CUX2: variants seen among roughly 807,000 people sequenced by gnomAD.
CUX2 encodes the protein cut like homeobox 2, also known as homeobox protein cut-like 2.
CUX2 carries 40 observed loss-of-function variants against 144.8 expected under a neutral mutation model. The observed-to-expected ratio is 0.28, with a 90% confidence interval of 0.21 to 0.36. The LOEUF is 0.36. Ranked by LOEUF, CUX2 falls within the 10% of genes least tolerant of loss-of-function variation. The probability of loss-of-function intolerance (pLI) is 1.00; values close to 1 mark genes in which losing one functional copy is unlikely to be tolerated. For synonymous variants in CUX2, 827 were observed against 875.6 expected (o/e 0.94, Z 0.98); for missense variants, 1,615 against 1,994.0 (o/e 0.81, Z 3.62).
intron 1 of CUX2, among the ~76,000 whole-genome samples, chr12:111,145,823 C>A (rs1463935834): frequency 6.6e-6 from 1 of 151,830 alleles, no homozygotes; most frequent in African/African-American, 2.4e-5. Context: ...TGCGCCACCA[C>A]ACCCAGCTTT....
rs762149848 is a variant in CUX2, at chr12:111,310,612, C to T, written c.1830C>T (p.Ile610=). ...KLTVKGKEPF[I]KMKQFLSDEQ... ...CGGTGAAGGGCAAGGAGCCCTTCATCAAGATGAAGCAGTTCCTGTCGGATG... is the reference window on the plus strand; with the variant it reads ...CGGTGAAGGGCAAGGAGCCCTTCATTAAGATGAAGCAGTTCCTGTCGGATG... The change falls in exon 15 of 22, where the codon ATC becomes ATT. Residue 610 remains isoleucine (I), a synonymous_variant. Coordinates refer to ENST00000261726, the MANE Select transcript of CUX2 (RefSeq NM_015267.4). The surrounding 1 kb of genome is among the most constrained non-coding windows in gnomAD (Gnocchi z 7.9). 3.0e-5 allele frequency: 48 copies of T among 1,612,028 alleles called. No homozygotes were observed. Among genetic ancestry groups the T allele is most frequent in the Non-Finnish European group, 3.9e-5 (46 of 1,178,620 alleles).
At position 111,099,300 on chromosome 12, in the gene CUX2, C is replaced by T. The variant is rs76133437; in HGVS notation, c.63+65060C>T. On this transcript the variant is annotated intron_variant, in intron 1 of 21. Transcript: ENST00000261726. Reference sequence around the variant, plus strand: ...CACTGTTCAGAGTGCCTGGGACCTCCGGGTGAGCAGGGTGTGGCAAGAGCT... The same window carrying T: ...CACTGTTCAGAGTGCCTGGGACCTCTGGGTGAGCAGGGTGTGGCAAGAGCT... The T allele has an allele frequency of 3.0e-3, 974 of 326,364 alleles. 7 individuals are homozygous for T. Among genetic ancestry groups the T allele is most frequent in the African/African-American group, 0.019 (883 of 46,454 alleles). 20.2% of individuals were successfully genotyped at this position (326,364 alleles called of 1,614,324 possible). A position where few individuals can be genotyped will look rare whatever the true frequency, so the allele number is the denominator to read the frequency against.
In CUX2 at chr12:111,265,309, T is replaced by TTTTTATTTTA. The variant is rs199678456; in HGVS notation, c.301+1510_301+1519dup. Among the ~76,000 whole-genome samples, 928 of 143,714 alleles carry TTTTTATTTTA rather than the reference T, an allele frequency of 6.5e-3. 14 individuals are homozygous for TTTTTATTTTA. Among genetic ancestry groups the TTTTTATTTTA allele is most frequent in the African/African-American group, 0.022 (820 of 37,320 alleles). 94.3% of individuals were successfully genotyped at this position (143,714 alleles called of 152,430 possible). On this transcript the variant is annotated intron_variant, in intron 4 of 21. Transcript: ENST00000261726. Reference sequence around the variant, plus strand: ...GCTTCCCCTATTTTATTTTATTTTATTTTTATTTTATTTTATTTTATTTTA... The same window carrying TTTTTATTTTA: ...GCTTCCCCTATTTTATTTTATTTTATTTTTATTTTATTTTATTTTATTTTATTTTATTTTA...
chr12:111,213,217 A>G (rs951158002), intron 1 of CUX2, among the ~76,000 whole-genome samples: 6 of 152,252 alleles, frequency 3.9e-5, no homozygotes, highest in African/African-American at 1.4e-4. Context: ...TCCAGAAAAA[A>G]AGCCCATCTC....
Position 111,255,899 on chromosome 12 carries a change from G to C in CUX2, c.223-7862G>C, listed in dbSNP as rs893656933. ...GATCTTTCACAGGGACTGTCAGAGT[G>C]AGTGGGAACCCTCAGGATAGTCTAG... is the stretch of plus-strand genomic sequence containing the variant. On this transcript the variant is annotated intron_variant, in intron 3 of 21. Transcript: ENST00000261726. This position sits in a 1 kb window ranked among gnomAD's most constrained non-coding sequence, Gnocchi z 4.1. Among the ~76,000 whole-genome samples the C allele has an allele frequency of 2.0e-5, 3 of 152,160 alleles. No homozygotes were observed. Among genetic ancestry groups the C allele is most frequent in the African/African-American group, 7.2e-5 (3 of 41,420 alleles).
At chr12:111,337,518 C>T (rs1888401434) in intron 19 of CUX2, among the ~76,000 whole-genome samples, 1 of 152,188 alleles carries the variant, frequency 6.6e-6, no homozygotes, top group Admixed American at 6.5e-5. Flanking sequence ...TTGGCTTTTT[C>T]CACTTTCCTG....
intron 4 of CUX2, among the ~76,000 whole-genome samples, chr12:111,278,557 C>G (rs946212121): frequency 1.3e-5 from 2 of 152,288 alleles, no homozygotes; most frequent in African/African-American, 4.8e-5. Flanking sequence ...ACCCAGAGCT[C>G]TAATAATTTC....
intron 1 of CUX2, among the ~76,000 whole-genome samples, chr12:111,176,296 C>T (rs1230220077): frequency 6.6e-6 from 1 of 151,926 alleles, no homozygotes; most frequent in Non-Finnish European, 1.5e-5. Flanking sequence ...ATCCTCATGC[C>T]TTGGCCTCCC....
chr12:111,292,494 G>A (rs780059051), intron 5 of CUX2, among the ~76,000 whole-genome samples: 1 of 152,210 alleles, frequency 6.6e-6, no homozygotes, highest in African/African-American at 2.4e-5. Context: ...GGAGGCTTAG[G>A]CAGGAGAATT....
At chr12:111,162,197 A>G (rs1000697988) in intron 1 of CUX2, among the ~76,000 whole-genome samples, 6 of 152,234 alleles carry the variant, frequency 3.9e-5, no homozygotes, top group East Asian at 1.9e-4. Flanking sequence ...ACTCTCTCTC[A>G]GAGGTGAGAA....
At chr12:111,194,458 T>A (rs1197744423) in intron 1 of CUX2, among the ~76,000 whole-genome samples, 1 of 152,230 alleles carries the variant, frequency 6.6e-6, no homozygotes, top group Non-Finnish European at 1.5e-5. Flanking sequence ...TTGTTGCCAG[T>A]GATTACAGTT....
At position 111,345,523 on chromosome 12, in the gene CUX2, C is replaced by T. The variant is rs966882474; in HGVS notation, c.3660-2001C>T. ...CTTTGGGAGGCCAAGGCGGGTGGGT[C>T]ACGAGGTCAGGAGATCGAGACCATC... is the stretch of plus-strand genomic sequence containing the variant. On this transcript the variant is annotated intron_variant, in intron 21 of 21. Coordinates refer to ENST00000261726, the MANE Select transcript of CUX2 (RefSeq NM_015267.4). Among the ~76,000 whole-genome samples, 37 of 148,812 alleles carry T rather than the reference C, an allele frequency of 2.5e-4. 1 individual carries two copies. The highest frequency in any genetic ancestry group is 9.0e-4 in the African/African-American group (36 of 40,112).
chr12:111,214,174 T>C (rs1881395763), intron 1 of CUX2, 26 bp from the exon 2 acceptor site: 1 of 148,084 alleles, frequency 6.8e-6, no homozygotes. Context: ...TCTCTCTCTC[T>C]TTTTTTTTTT....
intron 1 of CUX2, among the ~76,000 whole-genome samples, chr12:111,064,889 A>C (rs1452976718): frequency 1.3e-5 from 2 of 152,238 alleles, no homozygotes; most frequent in African/African-American, 2.4e-5. Context: ...AATGCCCGGC[A>C]TACAGTACTC....
intron 1 of CUX2, among the ~76,000 whole-genome samples, chr12:111,069,022 C>T (rs1871138396): frequency 1.3e-5 from 2 of 152,090 alleles, no homozygotes; most frequent in Admixed American, 1.3e-4. Context: ...AGGAGAATTG[C>T]TTGAACCCAG....
At chr12:111,313,090 C>T (rs1886986208) in intron 16 of CUX2, among the ~76,000 whole-genome samples, 1 of 152,088 alleles carries the variant, frequency 6.6e-6, no homozygotes, top group African/African-American at 2.4e-5. Context: ...GAGACAGATT[C>T]TCACTCTGTC....
Position 111,186,595 on chromosome 12 carries a change from G to A in CUX2, c.64-27605G>A, listed in dbSNP as rs1015340249. 2.0e-5 allele frequency among the ~76,000 whole-genome samples: 3 copies of A among 152,160 alleles called. No individual in the cohort carries two copies. Among genetic ancestry groups the A allele is most frequent in the Admixed American group, 6.5e-5 (1 of 15,276 alleles). ...AGGGCGACTCTGTGGCGTGAGGCTC[G>A]CAGCTGCACAGAGGCAGGGTCCCTG... On this transcript the variant is annotated intron_variant, in intron 1 of 21. Coordinates refer to ENST00000261726, the MANE Select transcript of CUX2 (RefSeq NM_015267.4). This position sits in a 1 kb window ranked among gnomAD's most constrained non-coding sequence, Gnocchi z 4.4.
chr12:111,239,408 G>A (rs1357283754), intron 3 of CUX2, among the ~76,000 whole-genome samples: 1 of 152,190 alleles, frequency 6.6e-6, no homozygotes, highest in Non-Finnish European at 1.5e-5. Flanking sequence ...ACCCAGCACA[G>A]AAACACAATC....
At chr12:111,240,878 G>A (rs949087605) in intron 3 of CUX2, among the ~76,000 whole-genome samples, 6 of 152,162 alleles carry the variant, frequency 3.9e-5, no homozygotes, top group African/African-American at 1.4e-4. Context: ...ATACCTCAGG[G>A]TCTAGAAAGC....
Sources: allele counts gnomAD v4.1 joint callset (sites outside exome capture counted in the v4.1 genomes callset), GRCh38; gene constraint gnomAD v4.1.1; non-coding constraint Gnocchi (gnomAD v3.1); transcripts MANE v1.5; gene names NCBI Gene and HGNC (gene_info 2026-07-23, HGNC 2026-07-21).